Variants in EYS observed in about 807,000 individuals in gnomAD.
EYS encodes protein eyes shut homolog.
A neutral mutation model predicts 282.1 loss-of-function variants in EYS; 250 were observed. That is an observed-to-expected ratio of 0.89 (90% CI 0.80 to 0.98). The LOEUF (loss-of-function observed/expected upper bound fraction) is 0.98, where lower values mean the gene tolerates loss of function less well. Among genes scored for constraint, EYS ranks in the 50% least tolerant of loss-of-function variants. The probability of loss-of-function intolerance (pLI) is 0.00; values close to 1 mark genes in which losing one functional copy is unlikely to be tolerated. For synonymous variants in EYS, 1,355 were observed against 1,282.9 expected (o/e 1.06, Z -1.20); for missense variants, 4,016 against 3,709.0 (o/e 1.08, Z -2.15).
intron 28 of EYS, among the ~76,000 whole-genome samples, chr6:64,394,814 C>T (rs1370718329): frequency 6.6e-6 from 1 of 151,990 alleles, no homozygotes; most frequent in African/African-American, 2.4e-5. Context: ...TTCTGCACAG[C>T]AAAAGAAACT....
intron 5 of EYS, among the ~76,000 whole-genome samples, chr6:65,464,289 A>T (rs375200620): frequency 1.3e-5 from 2 of 152,150 alleles, no homozygotes; most frequent in East Asian, 3.9e-4. Context: ...TAGATATACA[A>T]CTACAGGGGG....
chr6:64,119,666 T>C (rs545816632), intron 31 of EYS, among the ~76,000 whole-genome samples: 1 of 152,344 alleles, frequency 6.6e-6, no homozygotes, highest in South Asian at 2.1e-4. Flanking sequence ...GTAGCAAAAC[T>C]TAATATAGCT....
chr6:64,837,206 ATT>A (rs35457653), intron 19 of EYS, among the ~76,000 whole-genome samples: 84,017 of 151,090 alleles, frequency 0.56, 24,045 homozygotes, highest in Non-Finnish European at 0.62. Context: ...TTGTACATGT[ATT>A]GTTTTTAATG....
intron 24 of EYS, among the ~76,000 whole-genome samples, chr6:64,606,078 T>C (rs902046264): frequency 1.3e-5 from 2 of 152,006 alleles, no homozygotes; most frequent in Non-Finnish European, 2.9e-5. Flanking sequence ...GTTATAATTG[T>C]TGTTTTGCAT....
intron 22 of EYS, among the ~76,000 whole-genome samples, chr6:64,765,729 C>T (rs561097588): frequency 6.6e-6 from 1 of 152,148 alleles, no homozygotes; most frequent in African/African-American, 2.4e-5. Flanking sequence ...GGAGGAAATG[C>T]CACACACTTT....
rs138209379 is a variant in EYS at position 63,778,362 on chromosome 6, TATC to T, written c.7724-185_7724-183del. The stretch of plus-strand genomic sequence containing the variant: ...ATTTTTTTTTAAAAGTCATTCATGA[TATC>T]ATTTCACAGCAGACAACTATTAACA... On this transcript the variant is annotated intron_variant, in intron 39 of 42. Coordinates refer to ENST00000503581, the MANE Select transcript of EYS (RefSeq NM_001142800.2). 1,570 of 603,982 alleles carry T rather than the reference TATC, an allele frequency of 2.6e-3. 38 individuals carry two copies. In the East Asian group the frequency reaches 0.041, roughly 16 times the overall value. 37.4% of individuals were successfully genotyped at this position (603,982 alleles called of 1,614,324 possible).
At chr6:65,013,498 A>C (rs1771946227) in intron 13 of EYS, among the ~76,000 whole-genome samples, 1 of 152,196 alleles carries the variant, frequency 6.6e-6, no homozygotes, top group Non-Finnish European at 1.5e-5. Flanking sequence ...TCCTTGCTAA[A>C]GAGTCATTAT....
intron 15 of EYS, among the ~76,000 whole-genome samples, chr6:64,928,227 A>G (rs1026483018): frequency 1.3e-5 from 2 of 152,174 alleles, no homozygotes; most frequent in Non-Finnish European, 2.9e-5. Flanking sequence ...ACTTCAAAAC[A>G]TAAGAAAAAT....
chr6:65,384,982 A>G (rs910368516), intron 7 of EYS, among the ~76,000 whole-genome samples: 1 of 151,766 alleles, frequency 6.6e-6, no homozygotes, highest in African/African-American at 2.4e-5. Flanking sequence ...GTTAGTTGTC[A>G]TTTTTAAAAT....
At chr6:64,199,804 C>A (rs1335057417) in intron 31 of EYS, among the ~76,000 whole-genome samples, 1 of 152,082 alleles carries the variant, frequency 6.6e-6, no homozygotes, top group East Asian at 1.9e-4. Context: ...ATGTGGCCAA[C>A]AAACATATGA....
chr6:64,424,656 C>G (rs566167769), intron 28 of EYS, among the ~76,000 whole-genome samples: 1 of 152,290 alleles, frequency 6.6e-6, no homozygotes, highest in Non-Finnish European at 1.5e-5. Context: ...ACCGTTGAAT[C>G]TCAAATCAAG....
At position 64,626,251 on chromosome 6, in the gene EYS, G is replaced by GA. The variant is rs1163024711; in HGVS notation, c.3444-7dup. On this transcript the variant is annotated splice_region_variant and splice_polypyrimidine_tract_variant and intron_variant, in intron 22 of 42. Transcript: ENST00000503581. ...CAGAAAATCCAGGAAGACATCTAAG[G>GA]AAAAAAAATGAAAACGATATTTGTA... The GA allele has an allele frequency of 8.0e-6, 12 of 1,508,168 alleles. No individual in the cohort carries two copies. The highest frequency in any genetic ancestry group is 5.3e-5 in the South Asian group (4 of 75,254). 93.4% of individuals were successfully genotyped at this position (1,508,168 alleles called of 1,614,324 possible).
rs578029880 is a variant in EYS at position 64,938,337 on chromosome 6, T to G, written c.2381+7456A>C. On this transcript the variant is annotated intron_variant, in intron 15 of 42. Transcript: ENST00000503581. ...ATGAATATAGTATAATAAGATATTT[T>G]GAGAGAGAGAGAGAGAGAGAGACCA... Among the ~76,000 whole-genome samples, 156 of 148,424 alleles carry G rather than the reference T, an allele frequency of 1.1e-3. No homozygotes were observed. The South Asian group carries it at 0.031, about 30-fold the overall frequency.
intron 36 of EYS, among the ~76,000 whole-genome samples, chr6:63,836,804 C>T (rs1000313776): frequency 3.9e-5 from 6 of 152,048 alleles, no homozygotes; most frequent in Admixed American, 6.6e-5. Flanking sequence ...GACCATAGCA[C>T]ACTCATTAAT....
At chr6:64,619,178 C>A (rs943428846) in intron 23 of EYS, among the ~76,000 whole-genome samples, 3 of 152,152 alleles carry the variant, frequency 2.0e-5, no homozygotes, top group African/African-American at 7.2e-5. Context: ...ACATTTATTA[C>A]AGTGTATTTT....
chr6:65,624,804 C>A (rs1344615541), intron 2 of EYS, among the ~76,000 whole-genome samples: 1 of 152,176 alleles, frequency 6.6e-6, no homozygotes, highest in African/African-American at 2.4e-5. Flanking sequence ...GTCAGGGGCT[C>A]TTGGGCCTTT....
chr6:65,070,066 G>T (rs1233571116), intron 12 of EYS, among the ~76,000 whole-genome samples: 5 of 151,972 alleles, frequency 3.3e-5, no homozygotes, highest in Middle Eastern at 3.4e-3. Flanking sequence ...AAAATATGAG[G>T]TTAAAACAAT....
chr6:64,498,214 T>C (rs1776945671), intron 26 of EYS, among the ~76,000 whole-genome samples: 1 of 152,146 alleles, frequency 6.6e-6, no homozygotes, highest in African/African-American at 2.4e-5. Flanking sequence ...ACTTGTTTAA[T>C]GCTCACAATA....
chr6:64,555,634 A>G (rs1562059511), intron 26 of EYS, among the ~76,000 whole-genome samples: 1 of 151,950 alleles, frequency 6.6e-6, no homozygotes, highest in Non-Finnish European at 1.5e-5. Flanking sequence ...AAATAAATTT[A>G]AAAAATATAT....
Sources: gnomAD v4.1 joint callset for allele counts (sites outside exome capture counted in the v4.1 genomes callset) on GRCh38, gnomAD v4.1.1 for gene constraint, MANE v1.5 for transcripts, NCBI Gene and HGNC (gene_info 2026-07-23, HGNC 2026-07-21) for gene names.